ERICH6B: variants seen among roughly 807,000 people sequenced by gnomAD.
ERICH6B encodes the protein glutamate rich 6B.
A neutral mutation model predicts 80.0 loss-of-function variants in ERICH6B; 69 were observed. The ratio of observed to expected loss-of-function variants is 0.86; its 90% CI spans 0.71 to 1.05. The LOEUF (loss-of-function observed/expected upper bound fraction) is 1.05. ERICH6B is among the 50% of genes least tolerant of loss of function. The pLI, the probability that ERICH6B is intolerant of heterozygous loss-of-function variation, is 0.00. For missense variants in ERICH6B, 754 were observed against 796.1 expected, an observed-to-expected ratio of 0.95 and a Z score of 0.64; for synonymous variants, 283 against 291.9, an observed-to-expected ratio of 0.97 and a Z score of 0.31.
chr13:45,562,288 T>C (rs992458101), intron 10 of ERICH6B, among the ~76,000 whole-genome samples: 4 of 152,230 alleles, frequency 2.6e-5, no homozygotes, highest in Non-Finnish European at 5.9e-5. Context: ...TTATCCCGTC[T>C]CAGCTGCCCA....
Position 45,590,355 on chromosome 13 carries a change from G to A in ERICH6B, c.686+294C>T, listed in dbSNP as rs181305598. Reference sequence around the variant, plus strand: ...CTGCTCCCCTGAGAGCACTGCTTGCGAGCCCTTTGCAGTCTCTCCTGGTTG... The same window carrying A: ...CTGCTCCCCTGAGAGCACTGCTTGCAAGCCCTTTGCAGTCTCTCCTGGTTG... On this transcript the variant is annotated intron_variant, in intron 4 of 14. Transcript: ENST00000298738. 1.1e-3 allele frequency among the ~76,000 whole-genome samples: 171 copies of A among 152,028 alleles called. 2 individuals carry two copies. Among genetic ancestry groups the A allele is most frequent in the Middle Eastern group, 3.4e-3 (1 of 294 alleles).
chr13:45,571,614 T>C (rs752872692), intron 8 of ERICH6B, among the ~76,000 whole-genome samples: 1 of 152,210 alleles, frequency 6.6e-6, no homozygotes, highest in Non-Finnish European at 1.5e-5. Context: ...ATTTCCCTGC[T>C]TCCCTGCCAC....
At chr13:45,541,853 C>G (rs141665974) in intron 14 of ERICH6B, among the ~76,000 whole-genome samples, 173 bp from the exon 15 acceptor site, 1 of 152,244 alleles carries the variant, frequency 6.6e-6, no homozygotes, top group Non-Finnish European at 1.5e-5. Flanking sequence ...CTTCCAAATA[C>G]GCTCACTTGG....
At chr13:45,571,921 C>A (rs1253500754) in intron 8 of ERICH6B, among the ~76,000 whole-genome samples, 2 of 152,212 alleles carry the variant, frequency 1.3e-5, no homozygotes, top group Non-Finnish European at 2.9e-5. Flanking sequence ...AAGGAACCAA[C>A]TGTGCCAACA....
Position 45,596,562 on chromosome 13 carries a change from C to T in ERICH6B, c.444G>A (p.Lys148=), listed in dbSNP as rs1876384887. The T allele has an allele frequency of 6.4e-6, 10 of 1,551,168 alleles. No homozygotes were observed. The highest frequency in any genetic ancestry group is 2.0e-5 in the Admixed American group (1 of 50,926). The change falls in exon 3 of 15, where the codon AAG becomes AAA. Residue 148 remains lysine, a synonymous_variant. Transcript: ENST00000298738. The part of the protein sequence containing the change: ...EYLGKEGYLE[K]EDYIEEVDYL... ...AATCTACCTCCTCAATATAATCTTC[C>T]TTCTCCAGATACCCTTCCTTCCCCA...
chr13:45,568,967 G>A (rs547053531), intron 8 of ERICH6B, among the ~76,000 whole-genome samples: 9 of 152,242 alleles, frequency 5.9e-5, no homozygotes, highest in Admixed American at 2.6e-4. Context: ...CTTTAAGAGC[G>A]TAACAAGTTT....
intron 13 of ERICH6B, among the ~76,000 whole-genome samples, chr13:45,549,274 C>A (rs1269159683): frequency 1.3e-5 from 2 of 150,308 alleles, no homozygotes; most frequent in Non-Finnish European, 3.0e-5. Context: ...GCAGAGCAGA[C>A]TCCGTCACAA....
intron 2 of ERICH6B, among the ~76,000 whole-genome samples, chr13:45,606,411 A>G (rs1410495758): frequency 6.7e-6 from 1 of 148,996 alleles, no homozygotes; most frequent in Non-Finnish European, 1.5e-5. Flanking sequence ...TTCAGCAATT[A>G]TGAGCCATGT....
chr13:45,559,842 G>A (rs190892013), intron 11 of ERICH6B, among the ~76,000 whole-genome samples: 389 of 152,284 alleles, frequency 2.6e-3, no homozygotes, highest in Non-Finnish European at 4.5e-3. Context: ...AAAGTTCCAT[G>A]CACTGATGAA....
rs934326818 is a variant in ERICH6B at position 45,545,648 on chromosome 13, T to C, written c.1647-663A>G. ...GAGAATAGGAGGCTCAGAAGTGTCA[T>C]GTGACTTGCCTGAGGCTATCCCAGT... On this transcript the variant is annotated intron_variant, in intron 13 of 14. Coordinates refer to ENST00000298738, the MANE Select transcript of ERICH6B (RefSeq NM_182542.3). Among the ~76,000 whole-genome samples the C allele has an allele frequency of 1.3e-5, 2 of 152,238 alleles. 1 individual carries two copies. Among genetic ancestry groups the C allele is most frequent in the Non-Finnish European group, 2.9e-5 (2 of 68,042 alleles).
chr13:45,576,762 T>C (rs1449036809), intron 7 of ERICH6B, among the ~76,000 whole-genome samples: 1 of 152,128 alleles, frequency 6.6e-6, no homozygotes, highest in Admixed American at 6.5e-5. Flanking sequence ...AAAGGAAGTG[T>C]TTATTACGGG....
chr13:45,602,870 G>A (rs1474341365), intron 2 of ERICH6B, among the ~76,000 whole-genome samples: 1 of 152,110 alleles, frequency 6.6e-6, no homozygotes, highest in African/African-American at 2.4e-5. Flanking sequence ...TACCATTCAG[G>A]GTTCTCCAGA....
chr13:45,568,249 T>A, intron 9 of ERICH6B, 66 bp downstream of exon 9: 1 of 1,452,818 alleles, frequency 6.9e-7, no homozygotes, highest in Non-Finnish European at 9.1e-7. Context: ...GTTTACACTT[T>A]CCCTGCTGCC....
chr13:45,583,029 A>T (rs1345786826), intron 5 of ERICH6B, among the ~76,000 whole-genome samples: 1 of 152,194 alleles, frequency 6.6e-6, no homozygotes, highest in Non-Finnish European at 1.5e-5. Flanking sequence ...CTATTCTCTC[A>T]GTACGTACAA....
intron 5 of ERICH6B, among the ~76,000 whole-genome samples, chr13:45,584,502 GC>G (rs1222932904): frequency 6.6e-6 from 1 of 152,198 alleles, no homozygotes; most frequent in Non-Finnish European, 1.5e-5. Context: ...GGAAGCGGGT[GC>G]CTTGAAACCA....
rs1232701564 is a variant in ERICH6B at position 45,562,306 on chromosome 13, G to A, written c.1250-780C>T. 2.6e-5 allele frequency among the ~76,000 whole-genome samples: 4 copies of A among 152,194 alleles called. No homozygotes were observed. In the East Asian group the frequency reaches 7.7e-4, roughly 29 times the overall value. On this transcript the variant is annotated intron_variant, in intron 10 of 14. Transcript: ENST00000298738. ...TCCCGTCTCAGCTGCCCAAAGTGTT[G>A]GGATTATGGGCATGAGGCACCACAC...
intron 5 of ERICH6B, among the ~76,000 whole-genome samples, chr13:45,581,880 T>G (rs1302791361): frequency 6.6e-6 from 1 of 152,194 alleles, no homozygotes; most frequent in African/African-American, 2.4e-5. Flanking sequence ...CCGGCACTTC[T>G]ACAGACAAGG....
chr13:45,561,593 T>C, intron 10 of ERICH6B, 67 bp from the exon 11 acceptor site: 1 of 1,520,422 alleles, frequency 6.6e-7, no homozygotes. Flanking sequence ...AACTTAGATC[T>C]GTCTCTCTCA....
intron 13 of ERICH6B, among the ~76,000 whole-genome samples, chr13:45,548,515 G>A (rs181682311): frequency 1.5e-4 from 23 of 152,322 alleles, no homozygotes; most frequent in African/African-American, 5.5e-4. Context: ...GGGTAGGGCA[G>A]CCCATTCACA....
Sources: gnomAD v4.1 joint callset for allele counts (sites outside exome capture counted in the v4.1 genomes callset) on GRCh38, gnomAD v4.1.1 for gene constraint, MANE v1.5 for transcripts, NCBI Gene and HGNC (gene_info 2026-07-23, HGNC 2026-07-21) for gene names.